NOS2: variants seen among roughly 807,000 people sequenced by gnomAD.
NOS2 encodes nitric oxide synthase, inducible.
In NOS2, 96 loss-of-function variants were observed where a neutral mutation model predicts 136.0. The observed-to-expected ratio is 0.71, with a 90% CI of 0.60 to 0.84. NOS2 has a LOEUF of 0.84. Among genes scored for constraint, NOS2 ranks in the 40% least tolerant of loss-of-function variants. The pLI, the probability that NOS2 is intolerant of heterozygous loss-of-function variation, is 0.00. For missense variants in NOS2, 1,237 were observed against 1,496.9 expected (o/e 0.83, Z 2.87); for synonymous variants, 539 against 587.5 (o/e 0.92, Z 1.20).
intron 12 of NOS2, among the ~76,000 whole-genome samples, chr17:27,773,463 G>T (rs867392898): frequency 7.9e-5 from 12 of 152,176 alleles, no homozygotes; most frequent in African/African-American, 2.2e-4. Context: ...TGCACATCGA[G>T]GGGGGGCGGC....
At chr17:27,790,208 C>A (rs1187040025) in intron 2 of NOS2, among the ~76,000 whole-genome samples, 1 of 152,218 alleles carries the variant, frequency 6.6e-6, no homozygotes, top group Non-Finnish European at 1.5e-5. Context: ...AACCTCCCAC[C>A]TCAGCCTCTT....
intron 26 of NOS2, among the ~76,000 whole-genome samples, chr17:27,758,478 G>A (rs1168762661): frequency 4.6e-5 from 7 of 152,154 alleles, no homozygotes; most frequent in Non-Finnish European, 1.0e-4. Context: ...GGATGAGGGT[G>A]AGCAGACACC....
intron 9 of NOS2, among the ~76,000 whole-genome samples, chr17:27,779,494 C>T (rs1279924646): frequency 6.6e-6 from 1 of 151,746 alleles, no homozygotes; most frequent in Non-Finnish European, 1.5e-5. Context: ...CCCCCACCTG[C>T]CCACCAAGAA....
chr17:27,798,864 G>T lies in NOS2; in HGVS notation c.-55C>A. 2 of 1,118,348 alleles carry T rather than the reference G, an allele frequency of 1.8e-6. No individual in the cohort carries two copies. The highest frequency in any genetic ancestry group is 2.7e-6 in the Non-Finnish European group (2 of 728,334). 69.3% of individuals were successfully genotyped at this position (1,118,348 alleles called of 1,614,324 possible). A position where few individuals can be genotyped will look rare whatever the true frequency, so the allele number is the denominator to read the frequency against. ...TGTCACTTATCTGGATTTGAGCTCA[G>T]ATGTTCTTCACTGTGGGGCTGAAGA... On this transcript the variant is annotated 5_prime_UTR_variant, in exon 2 of 27. The change creates a new upstream start codon in the 5' untranslated region. Transcript: ENST00000313735.
chr17:27,767,000 CAAAAAAAAAAAA>C (rs11428460), intron 18 of NOS2, among the ~76,000 whole-genome samples: 2 of 42,790 alleles, frequency 4.7e-5, no homozygotes, highest in Non-Finnish European at 9.0e-5. Context: ...GACTCCGTCT[CAAAAAAAAAAAA>C]AAAAAAAAAA....
rs540948826 is a variant in NOS2, at chr17:27,762,886, C to A, written c.2712G>T (p.Lys904Asn). 2.5e-6 allele frequency: 4 copies of A among 1,594,888 alleles called. No homozygotes were observed. The Admixed American group carries it at 5.3e-5, about 21-fold the overall frequency. ...AGGAGCTGATGGAGTAGAACCTGGG[C>A]TTCAGAATGGGGAGCTGGGAAAGCA... ...GFLLSQLPIL[K>N]PRFYSISSSR... Residue 904 changes from lysine (K) to asparagine (N), a missense_variant, in exon 22 of 27, where the codon AAG becomes AAT. Lys to Asn is a moderately conservative substitution (Grantham distance 94). Around this residue, in one of 3 missense-constraint regions of NOS2, gnomAD observed 782 missense variants for 909.9 expected, o/e 0.86. Transcript: ENST00000313735.
chr17:27,792,650 G>C (rs541614996), intron 2 of NOS2, among the ~76,000 whole-genome samples: 2 of 151,938 alleles, frequency 1.3e-5, no homozygotes, highest in African/African-American at 4.8e-5. Context: ...ACAGCTGTGC[G>C]GGGTCCTGAG....
intron 2 of NOS2, among the ~76,000 whole-genome samples, chr17:27,796,140 AAG>A (rs1909346662): frequency 6.6e-6 from 1 of 152,108 alleles, no homozygotes; most frequent in African/African-American, 2.4e-5. Flanking sequence ...GAGAGAGAGA[AAG>A]AGAGAAAAGA....
At chr17:27,796,558 G>A (rs1397377343) in intron 2 of NOS2, among the ~76,000 whole-genome samples, 7 of 152,238 alleles carry the variant, frequency 4.6e-5, no homozygotes, top group Non-Finnish European at 7.3e-5. Context: ...GCACTGGGGA[G>A]CTGAGGAAGG....
chr17:27,792,896 G>A (rs1909237619), intron 2 of NOS2, among the ~76,000 whole-genome samples: 1 of 151,902 alleles, frequency 6.6e-6, no homozygotes, highest in Non-Finnish European at 1.5e-5. Flanking sequence ...AGGCTAAGGT[G>A]GGAGGATCAC....
chr17:27,759,122 A>G (rs1425337927), intron 25 of NOS2, 47 bp from the exon 26 acceptor site: 2 of 1,412,568 alleles, frequency 1.4e-6, no homozygotes, highest in South Asian at 1.5e-5. Flanking sequence ...TGCTCAGGAC[A>G]AGGCTTGCAG....
At chr17:27,782,133 C>CAAAA in intron 6 of NOS2, 27 bp from the exon 7 acceptor site, 1 of 1,604,740 alleles carries the variant, frequency 6.2e-7, no homozygotes, top group Non-Finnish European at 8.5e-7. Context: ...AGACCATGCC[C>CAAAA]ATCAAAGACT....
chr17:27,765,261 T>C (rs1908259804), intron 20 of NOS2, among the ~76,000 whole-genome samples: 1 of 152,258 alleles, frequency 6.6e-6, no homozygotes, highest in African/African-American at 2.4e-5. Context: ...GTGCTGAGAT[T>C]ACAGGCGTGA....
At chr17:27,769,274 G>A in intron 16 of NOS2, 123 bp from the exon 17 acceptor site, 2 of 1,034,076 alleles carry the variant, frequency 1.9e-6, no homozygotes, top group Non-Finnish European at 1.4e-6. Flanking sequence ...GAATGGAGCT[G>A]GACCCCCTTC....
At chr17:27,786,192 G>A (rs1401930039) in intron 5 of NOS2, among the ~76,000 whole-genome samples, 1 of 151,962 alleles carries the variant, frequency 6.6e-6, no homozygotes, top group African/African-American at 2.4e-5. Context: ...GGAGGCTGAG[G>A]TGGGTGGATC....
chr17:27,768,787 C>T (rs1266814072), intron 17 of NOS2, among the ~76,000 whole-genome samples, 190 bp downstream of exon 17: 1 of 152,204 alleles, frequency 6.6e-6, no homozygotes, highest in African/African-American at 2.4e-5. Context: ...AGGTGGAGCT[C>T]TTCTAGGGGG....
At chr17:27,799,344 T>C (rs1909457817) in intron 1 of NOS2, among the ~76,000 whole-genome samples, 1 of 152,268 alleles carries the variant, frequency 6.6e-6, no homozygotes, top group Non-Finnish European at 1.5e-5. Context: ...ACTCAAGCTG[T>C]AGCTACCTTT....
intron 4 of NOS2, 129 bp downstream of exon 4, chr17:27,788,680 T>C (rs1210996395): frequency 1.5e-5 from 17 of 1,155,036 alleles, no homozygotes; most frequent in Non-Finnish European, 1.9e-5. Context: ...AATGTCTCTG[T>C]TCCTAGACCC....
At chr17:27,800,163 C>T (rs1909485972) in intron 1 of NOS2, among the ~76,000 whole-genome samples, 176 bp downstream of exon 1, 1 of 152,206 alleles carries the variant, frequency 6.6e-6, no homozygotes, top group African/African-American at 2.4e-5. Context: ...GAAAAGAAAT[C>T]TGACCAAGAT....
Sources: allele counts gnomAD v4.1 joint callset (sites outside exome capture counted in the v4.1 genomes callset), GRCh38; gene constraint gnomAD v4.1.1; regional missense constraint gnomAD v4.1.1; transcripts MANE v1.5; gene names NCBI Gene and HGNC (gene_info 2026-07-23, HGNC 2026-07-21).